Variants in PDZD8 observed in about 807,000 individuals in gnomAD.
PDZD8 encodes the protein PDZ domain containing 8.
PDZD8 carries 14 observed loss-of-function variants against 85.8 expected under a neutral mutation model. The observed-to-expected ratio is 0.16, with a 90% CI of 0.11 to 0.26. The LOEUF (loss-of-function observed/expected upper bound fraction) is 0.26. PDZD8 is among the 10% of genes least tolerant of loss of function. PDZD8 has a pLI of 1.00. For missense variants in PDZD8, 1,197 were observed against 1,424.3 expected, an observed-to-expected ratio of 0.84 and a Z score of 2.57; for synonymous variants, 592 against 568.6, an observed-to-expected ratio of 1.04 and a Z score of -0.59.
intron 3 of PDZD8, among the ~76,000 whole-genome samples, chr10:117,297,397 A>C (rs969728565): frequency 3.9e-5 from 6 of 152,154 alleles, no homozygotes; most frequent in African/African-American, 1.4e-4. Context: ...CAGCAATCCT[A>C]CTTTTAGATA....
intron 1 of PDZD8, among the ~76,000 whole-genome samples, chr10:117,372,432 T>C (rs183813911): frequency 2.0e-5 from 3 of 152,322 alleles, no homozygotes; most frequent in South Asian, 2.1e-4. Flanking sequence ...CAAAATGATA[T>C]GTAATCTCAC....
At position 117,330,008 on chromosome 10, in the gene PDZD8, G is replaced by A. The variant is rs1589570448; in HGVS notation, c.995+10972C>T. Among the ~76,000 whole-genome samples the A allele has an allele frequency of 1.4e-4, 10 of 73,982 alleles. 1 individual carries two copies. The highest frequency in any genetic ancestry group is 1.3e-3 in the Admixed American group (10 of 7,810). 48.5% of individuals were successfully genotyped at this position (73,982 alleles called of 152,430 possible). ...AGGAAGGAAGGAAGGAAGGGAGGGA[G>A]GGAGGGAGGGAGGGAGGGAAGGAGG... is the stretch of plus-strand genomic sequence containing the variant. On this transcript the variant is annotated intron_variant, in intron 2 of 4. Transcript: ENST00000334464.
Position 117,319,033 on chromosome 10 carries a change from T to C in PDZD8, c.996-59A>G, listed in dbSNP as rs1174214891. On this transcript the variant is annotated intron_variant, in intron 2 of 4. Transcript: ENST00000334464. ...TACCTGTTATATTCATTAAAATTTT[T>C]CTTTCTGATTATTATAACAAGAAAC... 7 of 1,169,442 alleles carry C rather than the reference T, an allele frequency of 6.0e-6. No individual in the cohort carries two copies. In the Middle Eastern group the frequency reaches 5.9e-4, roughly 99 times the overall value. 72.4% of individuals were successfully genotyped at this position (1,169,442 alleles called of 1,614,324 possible).
chr10:117,312,787 T>C (rs990429776), intron 3 of PDZD8, among the ~76,000 whole-genome samples: 1 of 152,206 alleles, frequency 6.6e-6, no homozygotes, highest in African/African-American at 2.4e-5. Context: ...TTTATCTTTA[T>C]ATGGCTATCT....
chr10:117,290,428 T>C lies in PDZD8; in HGVS notation c.1099-80A>G, dbSNP rs1272273865. ...GGAAAAAAACAGTAACAGACTGTTATGTGCAGAGAGCACCATGGCTGATGC... is the reference window on the plus strand; with the variant it reads ...GGAAAAAAACAGTAACAGACTGTTACGTGCAGAGAGCACCATGGCTGATGC... On this transcript the variant is annotated intron_variant, in intron 3 of 4. Transcript: ENST00000334464. 27 of 1,121,372 alleles carry C rather than the reference T, an allele frequency of 2.4e-5. No homozygotes were observed. In the South Asian group the frequency reaches 3.6e-4, roughly 15 times the overall value. The allele number at this position is 1,121,372 out of a possible 1,614,324, so 69.5% of individuals were successfully genotyped here. A position where few individuals can be genotyped will look rare whatever the true frequency, so the allele number is the denominator to read the frequency against.
rs774037998 is a variant in PDZD8, at chr10:117,284,425, C to T, written c.2308G>A (p.Ala770Thr). The T allele has an allele frequency of 1.2e-5, 19 of 1,614,010 alleles. No individual in the cohort carries two copies. The highest frequency in any genetic ancestry group is 1.6e-4 in the Middle Eastern group (1 of 6,084). Residue 770 changes from alanine to threonine, a missense_variant, in exon 5 of 5, where the codon GCA becomes ACA. Physicochemically the swap from Ala to Thr is moderately conservative, Grantham distance 58. Around this residue, in one of 4 missense-constraint regions of PDZD8, gnomAD observed 418 missense variants for 571.1 expected, o/e 0.73. Coordinates refer to ENST00000334464, the MANE Select transcript of PDZD8 (RefSeq NM_173791.5). ...TTTTGCATACTCAGATTGCGTAGTG[C>T]GGTTCTAGTGACTATAGCCTTAGGT... ...PSPKAIVTRT[A>T]LRNLSMQKGF...
At position 117,282,436 on chromosome 10, in the gene PDZD8, T is replaced by C. The variant is rs1407769248; in HGVS notation, c.*832A>G. On this transcript the variant is annotated 3_prime_UTR_variant, in exon 5 of 5. Coordinates refer to ENST00000334464, the MANE Select transcript of PDZD8 (RefSeq NM_173791.5). ...CATCAATATTTTAAAAGATTATATT[T>C]CAAAATGCTATGTTACTGTTTTTCA... is the stretch of plus-strand genomic sequence containing the variant. The C allele has an allele frequency of 1.3e-5, 2 of 152,218 alleles. No individual in the cohort carries two copies. The highest frequency in any genetic ancestry group is 2.9e-5 in the Non-Finnish European group (2 of 68,038). 9.4% of individuals were successfully genotyped at this position (152,218 alleles called of 1,614,324 possible).
intron 1 of PDZD8, among the ~76,000 whole-genome samples, chr10:117,364,459 GCACACAGA>G (rs1845053373): frequency 6.8e-6 from 1 of 147,934 alleles, no homozygotes; most frequent in Non-Finnish European, 1.5e-5. Flanking sequence ...GTTTCTATAC[GCACACAGA>G]CAGACACACA....
intron 1 of PDZD8, among the ~76,000 whole-genome samples, chr10:117,356,959 T>C (rs1248223949): frequency 6.6e-6 from 1 of 152,150 alleles, no homozygotes; most frequent in Non-Finnish European, 1.5e-5. Context: ...CTTACAACTT[T>C]TCATACAGAC....
intron 3 of PDZD8, among the ~76,000 whole-genome samples, chr10:117,301,507 C>A (rs977179658): frequency 6.6e-6 from 1 of 152,164 alleles, no homozygotes; most frequent in Admixed American, 6.5e-5. Context: ...AGGTGAACTT[C>A]TATGTACAAC....
chr10:117,359,990 C>CAA (rs35711236), intron 1 of PDZD8, among the ~76,000 whole-genome samples: 2 of 149,886 alleles, frequency 1.3e-5, no homozygotes, highest in Admixed American at 6.6e-5. Context: ...AATACTGTTA[C>CAA]AAAAAAAAAA....
At chr10:117,291,714 G>A (rs1296617184) in intron 3 of PDZD8, among the ~76,000 whole-genome samples, 1 of 151,500 alleles carries the variant, frequency 6.6e-6, no homozygotes, top group Non-Finnish European at 1.5e-5. Context: ...TTAATGAGAT[G>A]TCCTATTCTA....
At position 117,340,705 on chromosome 10, in the gene PDZD8, A is replaced by G. The variant is rs1200325749; in HGVS notation, c.995+275T>C. 2.0e-5 allele frequency among the ~76,000 whole-genome samples: 3 copies of G among 152,218 alleles called. No homozygotes were observed. The East Asian group carries it at 5.8e-4, about 29-fold the overall frequency. ...TAGGAACAGCTCCCCAGTAGGTAGA[A>G]TAAGTTAAAAATAAGCCAACAGAGC... On this transcript the variant is annotated intron_variant, in intron 2 of 4. Transcript: ENST00000334464.
rs1242361195 is a variant in PDZD8, at chr10:117,309,222, C to T, written c.1098+9650G>A. 3.3e-5 allele frequency among the ~76,000 whole-genome samples: 5 copies of T among 151,938 alleles called. No individual in the cohort carries two copies. In the South Asian group the frequency reaches 6.2e-4, roughly 19 times the overall value. The stretch of plus-strand genomic sequence containing the variant: ...TAATGTTTAAGTTTTATGACTGTTG[C>T]CTCCTTTAACTTGCTCTTAAAAAAA... On this transcript the variant is annotated intron_variant, in intron 3 of 4. Transcript: ENST00000334464.
intron 3 of PDZD8, among the ~76,000 whole-genome samples, chr10:117,305,432 A>T (rs1843918597): frequency 7.0e-6 from 1 of 143,284 alleles, no homozygotes; most frequent in Non-Finnish European, 1.5e-5. Context: ...CAAACAAACA[A>T]ACAAAATACA....
rs115085372 is a variant in PDZD8 at position 117,284,308 on chromosome 10, C to T, written c.2425G>A (p.Val809Ile). The change falls in exon 5 of 5, where the codon GTA becomes ATA. Residue 809 changes from valine (V) to isoleucine (I), a missense_variant. By Grantham distance (29) the Val-to-Ile change is conservative. Transcript: ENST00000334464. ...GESDHHVVTN[V>I]EKEKEPHLVE... ...AAATGGGGTTCTTTTTCTTTTTCTA[C>T]GTTAGTAACTACATGGTGGTCTGAT... 80 of 1,613,884 alleles carry T rather than the reference C, an allele frequency of 5.0e-5. No individual in the cohort carries two copies. In the East Asian group the frequency reaches 1.1e-3, roughly 22 times the overall value.
At chr10:117,285,860 T>TA (rs1484225667) in intron 4 of PDZD8, 6 of 457,234 alleles carry the variant, frequency 1.3e-5, no homozygotes, top group African/African-American at 2.1e-5. Flanking sequence ...AAATCAGACT[T>TA]AGAGTGAGGG....
At position 117,374,233 on chromosome 10, in the gene PDZD8, G is replaced by A. The variant is rs962148174; in HGVS notation, c.872+123C>T. 2.1e-6 allele frequency: 3 copies of A among 1,424,576 alleles called. No individual in the cohort carries two copies. The highest frequency in any genetic ancestry group is 2.8e-6 in the Non-Finnish European group (3 of 1,060,364). 88.2% of individuals were successfully genotyped at this position (1,424,576 alleles called of 1,614,324 possible). ...GCCTTGATCTGGGGCCCTGTCCAGGGTGGGAAGGCCCCAGAAGCAGGCGCC... is the reference window on the plus strand; with the variant it reads ...GCCTTGATCTGGGGCCCTGTCCAGGATGGGAAGGCCCCAGAAGCAGGCGCC... On this transcript the variant is annotated intron_variant, in intron 1 of 4. Coordinates refer to ENST00000334464, the MANE Select transcript of PDZD8 (RefSeq NM_173791.5). The surrounding 1 kb of genome is among the most constrained non-coding windows in gnomAD (Gnocchi z 7.8).
intron 1 of PDZD8, among the ~76,000 whole-genome samples, chr10:117,369,261 C>T (rs930828905): frequency 2.6e-5 from 4 of 152,114 alleles, no homozygotes; most frequent in Middle Eastern, 6.8e-3. Context: ...CGGGTTCAAG[C>T]GATTCTCCTG....
Sources: gnomAD v4.1 joint callset for allele counts (sites outside exome capture counted in the v4.1 genomes callset) on GRCh38, gnomAD v4.1.1 for gene constraint, gnomAD v4.1.1 regional missense constraint, Gnocchi (gnomAD v3.1) non-coding constraint, MANE v1.5 for transcripts, NCBI Gene and HGNC (gene_info 2026-07-23, HGNC 2026-07-21) for gene names.